SFXN5: variants seen among roughly 807,000 people sequenced by gnomAD.
The protein encoded by SFXN5 is sideroflexin-5.
Under a neutral mutation model 50.2 loss-of-function variants are expected in SFXN5, and 43 were observed. The observed-to-expected ratio is 0.86, with a 90% confidence interval of 0.67 to 1.11. The LOEUF (loss-of-function observed/expected upper bound fraction) is 1.11. SFXN5 is among the 50% of genes least tolerant of loss of function. The pLI, the probability that SFXN5 is intolerant of heterozygous loss-of-function variation, is 0.00. For synonymous variants in SFXN5, 203 were observed against 185.8 expected (o/e 1.09, Z -0.75); for missense variants, 463 against 454.1 (o/e 1.02, Z -0.18).
chr2:73,059,419 C>T (rs2106038078), intron 1 of SFXN5: 1 of 985,404 alleles, frequency 1.0e-6, no homozygotes, highest in Admixed American at 6.1e-5. Flanking sequence ...CCTGGAGCCC[C>T]ACAACTCTCC....
chr2:73,043,181 G>T (rs979721165), intron 2 of SFXN5, among the ~76,000 whole-genome samples: 7 of 152,388 alleles, frequency 4.6e-5, no homozygotes, highest in African/African-American at 1.7e-4. Context: ...CACCAAGGAA[G>T]CCCAGCATGG....
At chr2:72,974,851 G>C (rs1553510804) in intron 10 of SFXN5, among the ~76,000 whole-genome samples, 1 of 87,812 alleles carries the variant, frequency 1.1e-5, no homozygotes, top group African/African-American at 5.4e-5. Context: ...TAGAGAGAGA[G>C]AGAGAAAAAA....
chr2:72,962,014 C>T (rs1408384784), intron 12 of SFXN5, among the ~76,000 whole-genome samples: 1 of 152,214 alleles, frequency 6.6e-6, no homozygotes, highest in Non-Finnish European at 1.5e-5. Flanking sequence ...GCATGATAAA[C>T]CTCCCTTTGG....
intron 1 of SFXN5, chr2:73,059,776 A>C: frequency 1.0e-6 from 1 of 978,810 alleles, no homozygotes; most frequent in Non-Finnish European, 1.2e-6. Flanking sequence ...TTTCCCATTA[A>C]AGACATACAT....
intron 6 of SFXN5, among the ~76,000 whole-genome samples, chr2:73,013,406 C>CGTGTGT (rs61590375): frequency 0.13 from 18,565 of 139,460 alleles, 1,003 homozygotes; most frequent in East Asian, 0.28. Context: ...AGGGATATTT[C>CGTGTGT]GTGTGTGTGT....
chr2:72,991,271 C>T (rs1030603910), intron 9 of SFXN5, among the ~76,000 whole-genome samples: 3 of 152,208 alleles, frequency 2.0e-5, no homozygotes, highest in Non-Finnish European at 4.4e-5. Flanking sequence ...ACAGTGTCCT[C>T]GTCCCAGGTT....
intron 6 of SFXN5, among the ~76,000 whole-genome samples, chr2:73,006,126 GC>G (rs1204537949): frequency 6.6e-6 from 1 of 152,068 alleles, no homozygotes; most frequent in East Asian, 1.9e-4. Flanking sequence ...ATGCCTTCCT[GC>G]TTGCCCTGCT....
intron 6 of SFXN5, among the ~76,000 whole-genome samples, chr2:73,010,429 G>A (rs1675358435): frequency 6.6e-6 from 1 of 152,198 alleles, no homozygotes; most frequent in Admixed American, 6.5e-5. Flanking sequence ...GCTATGGGGT[G>A]ACTTTTTACA....
intron 1 of SFXN5, among the ~76,000 whole-genome samples, chr2:73,063,083 G>A (rs1048652518): frequency 3.3e-5 from 5 of 152,212 alleles, no homozygotes; most frequent in African/African-American, 1.2e-4. Context: ...AGACATGAAT[G>A]TTTGTTAACC....
At chr2:73,039,170 C>T (rs778422130) in intron 3 of SFXN5, among the ~76,000 whole-genome samples, 3 of 152,176 alleles carry the variant, frequency 2.0e-5, no homozygotes, top group Non-Finnish European at 2.9e-5. Flanking sequence ...TCAAGTGATC[C>T]GCCCGCCTTG....
chr2:72,981,677 G>A (rs1671314739), intron 10 of SFXN5, among the ~76,000 whole-genome samples: 2 of 152,150 alleles, frequency 1.3e-5, no homozygotes, highest in South Asian at 4.1e-4. Context: ...TCCTCTTGGG[G>A]CCTGACACAC....
chr2:73,037,358 G>A (rs887648899), intron 3 of SFXN5, among the ~76,000 whole-genome samples: 2 of 152,150 alleles, frequency 1.3e-5, no homozygotes, highest in Non-Finnish European at 2.9e-5. Context: ...TATCCCCCAG[G>A]CCCTACCCTC....
At position 72,943,808 on chromosome 2, in the gene SFXN5, C is replaced by G. The variant is rs951842406; in HGVS notation, c.*1214G>C. 1.3e-5 allele frequency: 2 copies of G among 152,616 alleles called. No individual in the cohort carries two copies. Among genetic ancestry groups the G allele is most frequent in the African/African-American group, 4.8e-5 (2 of 41,452 alleles). The allele number at this position is 152,616 out of a possible 1,614,324, so 9.5% of individuals were successfully genotyped here. On this transcript the variant is annotated 3_prime_UTR_variant, in exon 14 of 14. Transcript: ENST00000272433. ...CACACTGGGGACATGCCCAGGATGA[C>G]CAGCATCTGAGCAGGACAAGCAAAG... is the stretch of plus-strand genomic sequence containing the variant.
intron 8 of SFXN5, among the ~76,000 whole-genome samples, chr2:72,999,713 G>T (rs979696345): frequency 6.6e-6 from 1 of 152,102 alleles, no homozygotes; most frequent in Non-Finnish European, 1.5e-5. Context: ...TATGGCCCAG[G>T]CCAGCTCCTA....
intron 13 of SFXN5, among the ~76,000 whole-genome samples, chr2:72,955,989 A>G (rs1219279144): frequency 6.6e-6 from 1 of 152,190 alleles, no homozygotes; most frequent in Admixed American, 6.5e-5. Flanking sequence ...GTTCTTGTTT[A>G]TTGAGTTTTG....
chr2:73,004,172 CCTT>C (rs1397985226), intron 6 of SFXN5, among the ~76,000 whole-genome samples: 2 of 152,114 alleles, frequency 1.3e-5, no homozygotes, highest in East Asian at 1.9e-4. Flanking sequence ...TTAGGGTACT[CCTT>C]CTCCAGCTCA....
At chr2:72,984,262 A>G (rs1411043561) in intron 10 of SFXN5, among the ~76,000 whole-genome samples, 1 of 152,234 alleles carries the variant, frequency 6.6e-6, no homozygotes, top group Non-Finnish European at 1.5e-5. Context: ...CCTCTCTCCA[A>G]GGGGAGAGAA....
At position 72,985,513 on chromosome 2, in the gene SFXN5, C is replaced by T. The variant is rs116822245; in HGVS notation, c.625+2745G>A. ...TGGACTAGGGCAGTCCGCAAGTGTC[C>T]ACTTGCAGATGAGAGCGATGGACAT... On this transcript the variant is annotated intron_variant, in intron 10 of 13. Coordinates refer to ENST00000272433, the MANE Select transcript of SFXN5 (RefSeq NM_144579.3). Among the ~76,000 whole-genome samples the T allele has an allele frequency of 4.7e-3, 666 of 141,722 alleles. 10 individuals carry two copies. The highest frequency in any genetic ancestry group is 0.016 in the African/African-American group (600 of 38,428). 93.0% of individuals were successfully genotyped at this position (141,722 alleles called of 152,430 possible).
At chr2:72,949,317 C>T (rs1672282739) in intron 13 of SFXN5, among the ~76,000 whole-genome samples, 1 of 151,856 alleles carries the variant, frequency 6.6e-6, no homozygotes, top group Admixed American at 6.6e-5. Flanking sequence ...GACCATAACC[C>T]AGCCTCTGTT....
Sources: gnomAD v4.1 joint callset for allele counts (sites outside exome capture counted in the v4.1 genomes callset) on GRCh38, gnomAD v4.1.1 for gene constraint, MANE v1.5 for transcripts, NCBI Gene and HGNC (gene_info 2026-07-23, HGNC 2026-07-21) for gene names.